Variants in KIFC1 observed in about 807,000 individuals in gnomAD.
The protein encoded by KIFC1 is kinesin family member C1.
In KIFC1, 37 loss-of-function variants were observed where a neutral mutation model predicts 66.6. That is an observed-to-expected ratio of 0.56 (90% confidence interval 0.43 to 0.73). The LOEUF is 0.73. KIFC1 is among the 30% of genes least tolerant of loss of function. The pLI, the probability that KIFC1 is intolerant of heterozygous loss-of-function variation, is 0.00. For synonymous variants in KIFC1, 325 were observed against 343.5 expected, an observed-to-expected ratio of 0.95 and a Z score of 0.60; for missense variants, 721 against 859.8, an observed-to-expected ratio of 0.84 and a Z score of 2.02.
Position 33,403,326 on chromosome 6 carries a change from C to T in KIFC1, c.263C>T (p.Ser88Phe). The change falls in exon 4 of 11, where the codon TCC becomes TTC. Residue 88 changes from serine to phenylalanine, a missense_variant. Coordinates refer to ENST00000428849, the MANE Select transcript of KIFC1 (RefSeq NM_002263.4). This position sits in a 1 kb window ranked among gnomAD's most constrained non-coding sequence, Gnocchi z 4.6. ...TQGQTTAQKVSKKTGPRCSTA... is the reference protein window; with the variant it reads ...TQGQTTAQKVFKKTGPRCSTA... Reference sequence around the variant, plus strand: ...ATCTCCTGGGCAGCTCAAAAAGTTTCCAAGAAGACAGGACCCCGGTGTTCC... The same window carrying T: ...ATCTCCTGGGCAGCTCAAAAAGTTTTCAAGAAGACAGGACCCCGGTGTTCC... The T allele has an allele frequency of 1.2e-6, 2 of 1,613,486 alleles. No homozygotes were observed. The highest frequency in any genetic ancestry group is 4.5e-5 in the East Asian group (2 of 44,882).
At position 33,401,043 on chromosome 6, in the gene KIFC1, C is replaced by G. The variant is rs1274197834; in HGVS notation, c.251-2271C>G. On this transcript the variant is annotated intron_variant, in intron 3 of 10. Transcript: ENST00000428849. The surrounding 1 kb of genome is among the most constrained non-coding windows in gnomAD (Gnocchi z 4.5). Reference sequence around the variant, plus strand: ...TTCCTTTATATCCTTATTCCTCATGCTTTTTTTCTATCTAAATTTTGTTTT... The same window carrying G: ...TTCCTTTATATCCTTATTCCTCATGGTTTTTTTCTATCTAAATTTTGTTTT... 1.3e-5 allele frequency among the ~76,000 whole-genome samples: 2 copies of G among 152,130 alleles called. No homozygotes were observed. The highest frequency in any genetic ancestry group is 2.4e-5 in the African/African-American group (1 of 41,398).
chr6:33,406,105 G>A lies in KIFC1; in HGVS notation c.1537-91G>A. ...TTCTTGACAGGCTAGAAAGCTTCAA[G>A]AGGGTGGGGGTGGGCTCTTATTCAT... is the stretch of plus-strand genomic sequence containing the variant. On this transcript the variant is annotated intron_variant, in intron 7 of 10. Coordinates refer to ENST00000428849, the MANE Select transcript of KIFC1 (RefSeq NM_002263.4). This position sits in a 1 kb window ranked among gnomAD's most constrained non-coding sequence, Gnocchi z 4.5. 1 of 1,222,598 alleles carries A rather than the reference G, an allele frequency of 8.2e-7. No homozygotes were observed. The highest frequency in any genetic ancestry group is 1.1e-6 in the Non-Finnish European group (1 of 871,150). The allele number at this position is 1,222,598 out of a possible 1,614,324, so 75.7% of individuals were successfully genotyped here. A position where few individuals can be genotyped will look rare whatever the true frequency, so the allele number is the denominator to read the frequency against.
rs531413506 is a variant in KIFC1 at position 33,405,882 on chromosome 6, C to T, written c.1536+251C>T. The stretch of plus-strand genomic sequence containing the variant: ...TCTCATGTCTCATCTTCTTGCTCAG[C>T]TCATCCTAGCCATGCTGGCCTCCTG... On this transcript the variant is annotated intron_variant, in intron 7 of 10. Transcript: ENST00000428849. This position sits in a 1 kb window ranked among gnomAD's most constrained non-coding sequence, Gnocchi z 5.4. Among the ~76,000 whole-genome samples the T allele has an allele frequency of 6.6e-6, 1 of 152,276 alleles. No homozygotes were observed. The highest frequency in any genetic ancestry group is 2.1e-4 in the South Asian group (1 of 4,830).
At position 33,404,279 on chromosome 6, in the gene KIFC1, T is replaced by TCC. The variant is rs139173117; in HGVS notation, c.756+150_756+151insCC. The stretch of plus-strand genomic sequence containing the variant: ...GGTGCTGCTGAAGATACCTCTCTCT[T>TCC]GACCTGTCTGCACCCCAGCCCACTC... On this transcript the variant is annotated intron_variant, in intron 6 of 10. Coordinates refer to ENST00000428849, the MANE Select transcript of KIFC1 (RefSeq NM_002263.4). The surrounding 1 kb of genome is among the most constrained non-coding windows in gnomAD (Gnocchi z 4.0). The TCC allele has an allele frequency of 1.4e-6, 1 of 715,998 alleles. No individual in the cohort carries two copies. The highest frequency in any genetic ancestry group is 2.3e-6 in the Non-Finnish European group (1 of 441,310). 44.4% of individuals were successfully genotyped at this position (715,998 alleles called of 1,614,324 possible).
chr6:33,409,130 C>T (rs1775786433), intron 10 of KIFC1, among the ~76,000 whole-genome samples: 1 of 152,166 alleles, frequency 6.6e-6, no homozygotes, highest in African/African-American at 2.4e-5. Flanking sequence ...CGCGCCACTG[C>T]ACTCCAGCCT....
chr6:33,392,317 A>T (rs900828441), intron 1 of KIFC1, among the ~76,000 whole-genome samples: 5 of 151,804 alleles, frequency 3.3e-5, no homozygotes, highest in Non-Finnish European at 7.4e-5. Flanking sequence ...CTTTATTCCT[A>T]CTCAGGGTGT....
Position 33,406,695 on chromosome 6 carries a change from A to G in KIFC1, c.1901+30A>G. 1 of 1,613,108 alleles carries G rather than the reference A, an allele frequency of 6.2e-7. No individual in the cohort carries two copies. The highest frequency in any genetic ancestry group is 8.5e-7 in the Non-Finnish European group (1 of 1,179,076). On this transcript the variant is annotated intron_variant, in intron 9 of 10. Transcript: ENST00000428849. This position sits in a 1 kb window ranked among gnomAD's most constrained non-coding sequence, Gnocchi z 4.5. Reference sequence around the variant, plus strand: ...GTGAAAGGGACAGATGGAAGGGGTCAGGTAGGAACTGTGTTGGGGTGAGGG... The same window carrying G: ...GTGAAAGGGACAGATGGAAGGGGTCGGGTAGGAACTGTGTTGGGGTGAGGG...
At position 33,409,732 on chromosome 6, in the gene KIFC1, TGTGTGTGTGTGTG is replaced by T. The variant is rs757457621; in HGVS notation, c.*43_*55del. On this transcript the variant is annotated 3_prime_UTR_variant, in exon 11 of 11. Coordinates refer to ENST00000428849, the MANE Select transcript of KIFC1 (RefSeq NM_002263.4). ...GTGTGTGTGTGTGTGTGTGTGTGTG[TGTGTGTGTGTGTG>T]TGTGTGTGTCCCTATGTCTATGTAT... 959 of 1,485,762 alleles carry T rather than the reference TGTGTGTGTGTGTG, an allele frequency of 6.5e-4. 3 individuals are homozygous for T. The highest frequency in any genetic ancestry group is 8.3e-4 in the Non-Finnish European group (892 of 1,077,362). 92.0% of individuals were successfully genotyped at this position (1,485,762 alleles called of 1,614,324 possible).
rs985318176 is a variant in KIFC1 at position 33,406,610 on chromosome 6, C to G, written c.1846C>G (p.Arg616Gly). 6.2e-7 allele frequency: 1 copy of G among 1,614,038 alleles called. No homozygotes were observed. Among genetic ancestry groups the G allele is most frequent in the Admixed American group, 1.7e-5 (1 of 60,012 alleles). Residue 616 changes from arginine (R) to glycine (G), a missense_variant, in exon 9 of 11, where the codon CGG becomes GGG. Transcript: ENST00000428849. The surrounding 1 kb of genome is among the most constrained non-coding windows in gnomAD (Gnocchi z 4.5). ...CATCTAGGAGTCCCACGTGCCTTAC[C>G]GGAACAGCAAACTGACCTACCTGCT... ...LSNKESHVPY[R>G]NSKLTYLLQN... is the part of the protein sequence containing the mutation.
intron 1 of KIFC1, among the ~76,000 whole-genome samples, chr6:33,393,922 A>G (rs1242785544): frequency 1.3e-5 from 2 of 151,542 alleles, no homozygotes; most frequent in Admixed American, 6.6e-5. Context: ...AATTTTTTGT[A>G]TTTTTAGTAT....
Position 33,405,274 on chromosome 6 carries a change from G to A in KIFC1, c.1179G>A (p.Met393Ile). The part of the protein sequence containing the change: ...GQDEVFEEIA[M>I]LVQSALDGYP... ...ATGAAGTGTTTGAAGAGATTGCCAT[G>A]CTTGTCCAGTCAGCCCTGGATGGCT... The change falls in exon 7 of 11, where the codon ATG becomes ATA. Residue 393 changes from methionine (M) to isoleucine (I), a missense_variant. Met to Ile is a conservative substitution (Grantham distance 10). Transcript: ENST00000428849. The surrounding 1 kb of genome is among the most constrained non-coding windows in gnomAD (Gnocchi z 5.4). 1.2e-6 allele frequency: 2 copies of A among 1,614,202 alleles called. No homozygotes were observed. Among genetic ancestry groups the A allele is most frequent in the Non-Finnish European group, 8.5e-7 (1 of 1,180,038 alleles).
At position 33,403,819 on chromosome 6, in the gene KIFC1, A is replaced by G; in HGVS notation, c.446A>G (p.Glu149Gly). The stretch of plus-strand genomic sequence containing the variant: ...GGTCAGTTATGTGACCTAAATGCAG[A>G]ACTAAAACGGTGCCGTGAGAGGACT... ...LKGQLCDLNAELKRCRERTQT... is the reference protein window; with the variant it reads ...LKGQLCDLNAGLKRCRERTQT... Residue 149 changes from glutamate to glycine, a missense_variant, in exon 6 of 11, where the codon GAA becomes GGA. Glu to Gly is a moderately conservative substitution (Grantham distance 98). Transcript: ENST00000428849. This position sits in a 1 kb window ranked among gnomAD's most constrained non-coding sequence, Gnocchi z 4.6. 1 of 1,614,232 alleles carries G rather than the reference A, an allele frequency of 6.2e-7. No individual in the cohort carries two copies. Among genetic ancestry groups the G allele is most frequent in the South Asian group, 1.1e-5 (1 of 91,088 alleles).
Position 33,406,401 on chromosome 6 carries a change from G to C in KIFC1, c.1742G>C (p.Gly581Ala). The change falls in exon 8 of 11, where the codon GGG becomes GCG. Residue 581 changes from glycine to alanine, a missense_variant. Physicochemically the swap from Gly to Ala is moderately conservative, Grantham distance 60. Coordinates refer to ENST00000428849, the MANE Select transcript of KIFC1 (RefSeq NM_002263.4). The surrounding 1 kb of genome is among the most constrained non-coding windows in gnomAD (Gnocchi z 4.5). ...GACCCCGGCTTAGCCCTCGGCCCCG[G>C]GGAGCGGGAACGCCTTCGGGAAACA... ...RLDPGLALGP[G>A]ERERLRETQA... The C allele has an allele frequency of 6.2e-7, 1 of 1,610,912 alleles. No individual in the cohort carries two copies. The highest frequency in any genetic ancestry group is 1.3e-5 in the African/African-American group (1 of 74,996).
intron 1 of KIFC1, among the ~76,000 whole-genome samples, chr6:33,394,974 TCTC>T (rs1184214608): frequency 2.8e-4 from 43 of 152,084 alleles, no homozygotes; most frequent in African/African-American, 9.9e-4. Context: ...GAAAGAGTGG[TCTC>T]CTGGAAGCTA....
At chr6:33,398,446 C>A in intron 3 of KIFC1, 59 bp downstream of exon 3, 1 of 1,208,090 alleles carries the variant, frequency 8.3e-7, no homozygotes, top group Non-Finnish European at 1.2e-6. Context: ...CTTCAACTCA[C>A]TTGTTTCTTT....
At chr6:33,394,965 A>G (rs1485352469) in intron 1 of KIFC1, among the ~76,000 whole-genome samples, 1 of 148,880 alleles carries the variant, frequency 6.7e-6, no homozygotes, top group African/African-American at 2.5e-5. Flanking sequence ...GTGAGGTAAG[A>G]AAGAGTGGTC....
At chr6:33,407,161 C>T in intron 10 of KIFC1, 1 of 1,016,620 alleles carries the variant, frequency 9.8e-7, no homozygotes, top group Non-Finnish European at 1.3e-6. Context: ...ATAATCCGAA[C>T]ACTTCGGGAG....
At chr6:33,396,436 C>CTTTTTTTTTTTTTTTTTTTTCTTTTT (rs199749552) in intron 1 of KIFC1, among the ~76,000 whole-genome samples, 2 of 116,256 alleles carry the variant, frequency 1.7e-5, no homozygotes, top group Admixed American at 9.3e-5. Context: ...CTTTTCTTTT[C>CTTTTTTTTTTTTTTTTTTTTCTTTTT]TTTTTTTTTT....
At chr6:33,397,372 A>G (rs2151084606) in intron 1 of KIFC1, among the ~76,000 whole-genome samples, 1 of 139,348 alleles carries the variant, frequency 7.2e-6, no homozygotes, top group East Asian at 2.1e-4. Flanking sequence ...ATCTCGGCTC[A>G]CCGCAACCTC....
Sources: allele counts gnomAD v4.1 joint callset (sites outside exome capture counted in the v4.1 genomes callset), GRCh38; gene constraint gnomAD v4.1.1; non-coding constraint Gnocchi (gnomAD v3.1); transcripts MANE v1.5; gene names NCBI Gene and HGNC (gene_info 2026-07-23, HGNC 2026-07-21).